The following MAPK4 variants were observed in gnomAD, a reference collection of about 807,000 sequenced individuals.
MAPK4 encodes the protein Erk3-related.
MAPK4 carries 22 observed loss-of-function variants against 47.7 expected under a neutral mutation model. The ratio of observed to expected loss-of-function variants is 0.46; its 90% CI spans 0.33 to 0.66. MAPK4 has a LOEUF of 0.66. Ranked by LOEUF, MAPK4 falls within the 30% of genes least tolerant of loss-of-function variation. MAPK4 has a pLI of 0.02. For synonymous variants in MAPK4, 390 were observed against 365.7 expected, an observed-to-expected ratio of 1.07 and a Z score of -0.76; for missense variants, 736 against 831.7, an observed-to-expected ratio of 0.88 and a Z score of 1.42.
At chr18:50,686,985 A>G (rs1014550732) in intron 2 of MAPK4, among the ~76,000 whole-genome samples, 2 of 152,254 alleles carry the variant, frequency 1.3e-5, no homozygotes, top group Admixed American at 1.3e-4. Context: ...CTATACATAT[A>G]TAACAGCTTT....
rs947030584 is a variant in MAPK4, at chr18:50,664,138, G to T, written c.180G>T (p.Lys60Asn). 6.2e-7 allele frequency: 1 copy of T among 1,614,052 alleles called. No individual in the cohort carries two copies. Among genetic ancestry groups the T allele is most frequent in the Admixed American group, 1.7e-5 (1 of 60,014 alleles). ...KIALSDARSM[K>N]HALREIKIIR... Reference sequence around the variant, plus strand: ...CCCTGAGCGATGCCCGCAGCATGAAGCACGCGCTCCGAGAGATCAAGATCA... The same window carrying T: ...CCCTGAGCGATGCCCGCAGCATGAATCACGCGCTCCGAGAGATCAAGATCA... The change falls in exon 2 of 6, where the codon AAG (lysine) becomes AAT (asparagine). Residue 60 changes from lysine (K) to asparagine (N), a missense_variant. By Grantham distance (94) the Lys-to-Asn change is moderately conservative. This residue lies in a region of MAPK4 where 327 missense variants were observed against 395.4 expected (regional missense o/e 0.83). Coordinates refer to ENST00000400384, the MANE Select transcript of MAPK4 (RefSeq NM_002747.4). The surrounding 1 kb of genome is among the most constrained non-coding windows in gnomAD (Gnocchi z 6.0).
intron 2 of MAPK4, chr18:50,669,411 C>T (rs1311944196): frequency 6.6e-6 from 1 of 152,292 alleles, no homozygotes; most frequent in Non-Finnish European, 1.5e-5. Context: ...ACGATGACAG[C>T]TTGACTCACG....
intron 1 of MAPK4, among the ~76,000 whole-genome samples, chr18:50,655,413 A>C (rs2043098226): frequency 6.6e-6 from 1 of 151,746 alleles, no homozygotes; most frequent in Non-Finnish European, 1.5e-5. Flanking sequence ...AGGAACAGGC[A>C]TAGGGACTGT....
At chr18:50,695,094 C>G (rs1909428678) in intron 2 of MAPK4, among the ~76,000 whole-genome samples, 1 of 152,012 alleles carries the variant, frequency 6.6e-6, no homozygotes. Context: ...GCCTATAATA[C>G]CAGCACTTTG....
At chr18:50,674,315 C>A (rs1477511712) in intron 2 of MAPK4, among the ~76,000 whole-genome samples, 1 of 152,156 alleles carries the variant, frequency 6.6e-6, no homozygotes, top group East Asian at 1.9e-4. Context: ...TCCGTTTTCT[C>A]CTGAAATGTG....
At chr18:50,668,306 T>C (rs1457086426) in intron 2 of MAPK4, among the ~76,000 whole-genome samples, 3 of 152,200 alleles carry the variant, frequency 2.0e-5, no homozygotes, top group African/African-American at 7.2e-5. Context: ...CTGGTCCTCA[T>C]GCCTCCCATC....
At position 50,731,288 on chromosome 18, in the gene MAPK4, G is replaced by A. The variant is rs1911550252; in HGVS notation, c.*1434G>A. On this transcript the variant is annotated 3_prime_UTR_variant, in exon 6 of 6. Transcript: ENST00000400384. ...GCCCTCTGCAGAAGCGTGGGGTGGG[G>A]ACACTGACAGCCCCTATCTGGTCCC... is the stretch of plus-strand genomic sequence containing the variant. 6.6e-6 allele frequency: 1 copy of A among 152,256 alleles called. No individual in the cohort carries two copies. Among genetic ancestry groups the A allele is most frequent in the African/African-American group, 2.4e-5 (1 of 41,452 alleles). 9.4% of individuals were successfully genotyped at this position (152,256 alleles called of 1,614,324 possible). A position where few individuals can be genotyped will look rare whatever the true frequency, so the allele number is the denominator to read the frequency against.
intron 1 of MAPK4, among the ~76,000 whole-genome samples, chr18:50,653,217 C>T (rs888332952): frequency 1.3e-5 from 2 of 151,476 alleles, no homozygotes; most frequent in East Asian, 1.9e-4. Context: ...AAGAACCAGG[C>T]GAAGAGAAGG....
At chr18:50,612,839 A>G (rs1054544057) in intron 1 of MAPK4, among the ~76,000 whole-genome samples, 2 of 152,208 alleles carry the variant, frequency 1.3e-5, no homozygotes, top group Non-Finnish European at 2.9e-5. Flanking sequence ...ACAGGTTCCC[A>G]TCTTGAGTGA....
intron 1 of MAPK4, among the ~76,000 whole-genome samples, chr18:50,615,406 T>G (rs2042676212): frequency 6.6e-6 from 1 of 152,176 alleles, no homozygotes; most frequent in Non-Finnish European, 1.5e-5. Flanking sequence ...CCTTCTATCT[T>G]GTTGTTCACT....
Position 50,728,135 on chromosome 18 carries a change from G to A in MAPK4, c.1068-1023G>A, listed in dbSNP as rs1256702729. 2.6e-5 allele frequency among the ~76,000 whole-genome samples: 4 copies of A among 152,326 alleles called. No individual in the cohort carries two copies. In the East Asian group the frequency reaches 7.7e-4, roughly 29 times the overall value. On this transcript the variant is annotated intron_variant, in intron 5 of 5. Coordinates refer to ENST00000400384, the MANE Select transcript of MAPK4 (RefSeq NM_002747.4). ...ACACAGCCGAATCTGCCTCTCCTTG[G>A]TCTATCTGTTGGGCCTGCTCAGGGA...
intron 5 of MAPK4, 83 bp downstream of exon 5, chr18:50,726,258 C>T (rs962003854): frequency 1.8e-4 from 235 of 1,329,266 alleles, no homozygotes; most frequent in Non-Finnish European, 2.3e-4. Context: ...TGACCTTCCC[C>T]TCTGTCTCCC....
chr18:50,714,107 T>C (rs1172514693), intron 2 of MAPK4, among the ~76,000 whole-genome samples: 1 of 152,210 alleles, frequency 6.6e-6, no homozygotes, highest in Non-Finnish European at 1.5e-5. Flanking sequence ...GAAAGGAAAG[T>C]GTGAATGCTA....
chr18:50,702,875 C>T (rs1247297411), intron 2 of MAPK4, among the ~76,000 whole-genome samples: 5 of 152,312 alleles, frequency 3.3e-5, no homozygotes, highest in Middle Eastern at 3.4e-3. Flanking sequence ...TTATAAAGGC[C>T]TGTTAAAAGA....
Position 50,663,981 on chromosome 18 carries a change from T to C in MAPK4, c.23T>C (p.Ile8Thr), listed in dbSNP as rs1406034662. 6.2e-7 allele frequency: 1 copy of C among 1,612,888 alleles called. No individual in the cohort carries two copies. Among genetic ancestry groups the C allele is most frequent in the African/African-American group, 1.3e-5 (1 of 74,878 alleles). The stretch of plus-strand genomic sequence containing the variant: ...ACAATGGCTGAGAAGGGTGACTGCA[T>C]CGCCAGTGTCTATGGGTATGACCTC... MAEKGDC[I>T]ASVYGYDLGG... Residue 8 changes from isoleucine to threonine, a missense_variant, in exon 2 of 6, where the codon ATC becomes ACC. Ile to Thr is a moderately conservative substitution (Grantham distance 89). Transcript: ENST00000400384.
intron 3 of MAPK4, among the ~76,000 whole-genome samples, chr18:50,721,539 T>C (rs1295026079): frequency 6.6e-6 from 1 of 152,200 alleles, no homozygotes; most frequent in Non-Finnish European, 1.5e-5. Context: ...TATGGCTCAT[T>C]CCCAGCCTTA....
intron 4 of MAPK4, among the ~76,000 whole-genome samples, chr18:50,722,616 C>T (rs2144474646): frequency 6.6e-6 from 1 of 152,312 alleles, no homozygotes; most frequent in Admixed American, 6.5e-5. Context: ...TCAGGAGACC[C>T]AGTCTCGGTG....
At chr18:50,575,499 A>G (rs186287803) in intron 1 of MAPK4, among the ~76,000 whole-genome samples, 30 of 152,180 alleles carry the variant, frequency 2.0e-4, no homozygotes, top group Admixed American at 1.6e-3. Flanking sequence ...TTTTATTTTT[A>G]TTTTTTTCTG....
rs368937966 is a variant in MAPK4 at position 50,725,996 on chromosome 18, C to T, written c.888C>T (p.Asn296=). The change falls in exon 5 of 6, where the codon AAC becomes AAT. Residue 296 remains asparagine (N), a synonymous_variant. Transcript: ENST00000400384. ...TTCTGGAGAAGATCCTGACCTTTAA[C>T]CCCATGGATCGCCTAACAGCTGAGA... The part of the protein sequence containing the change: ...IDFLEKILTF[N]PMDRLTAEMG... 1.2e-6 allele frequency: 2 copies of T among 1,614,180 alleles called. No homozygotes were observed. Among genetic ancestry groups the T allele is most frequent in the Non-Finnish European group, 1.7e-6 (2 of 1,180,030 alleles).
Sources: gnomAD v4.1 joint callset for allele counts (sites outside exome capture counted in the v4.1 genomes callset) on GRCh38, gnomAD v4.1.1 for gene constraint, gnomAD v4.1.1 regional missense constraint, Gnocchi (gnomAD v3.1) non-coding constraint, MANE v1.5 for transcripts, NCBI Gene and HGNC (gene_info 2026-07-23, HGNC 2026-07-21) for gene names.